Variants in PCDH11X observed in about 807,000 individuals in gnomAD.
The protein encoded by PCDH11X is protocadherin 11 X-linked, also known as protocadherin-11 X-linked.
PCDH11X carries 18 observed loss-of-function variants against 53.3 expected under a neutral mutation model. The ratio of observed to expected loss-of-function variants is 0.34; its 90% CI spans 0.23 to 0.50. The LOEUF (loss-of-function observed/expected upper bound fraction) is 0.50, where lower values mean the gene tolerates loss of function less well. Among genes scored for constraint, PCDH11X ranks in the 20% least tolerant of loss-of-function variants. PCDH11X has a pLI of 0.98. For synonymous variants in PCDH11X, 279 were observed against 393.3 expected, an observed-to-expected ratio of 0.71 and a Z score of 3.44; for missense variants, 570 against 1,032.4, an observed-to-expected ratio of 0.55 and a Z score of 6.14.
At chrX:92,308,902 A>C (rs1294932634) in intron 8 of PCDH11X, among the ~76,000 whole-genome samples, 1 of 110,539 alleles carries the variant, frequency 9.0e-6, no homozygotes, top group Non-Finnish European at 1.9e-5. Flanking sequence ...ATCACTAATT[A>C]TTAGAAAAAT....
At chrX:92,152,413 TAAATC>T (rs1264274528) in intron 6 of PCDH11X, among the ~76,000 whole-genome samples, 2 of 111,647 alleles carry the variant, frequency 1.8e-5, no homozygotes, top group Non-Finnish European at 3.8e-5. Context: ...AAAAAAATAT[TAAATC>T]AAATGTATAT....
chrX:91,890,292 A>T (rs897619056), intron 6 of PCDH11X, among the ~76,000 whole-genome samples: 1 of 111,549 alleles, frequency 9.0e-6, no homozygotes, highest in Non-Finnish European at 1.9e-5. Flanking sequence ...ATCTACATTT[A>T]CAATGTTATT....
intron 9 of PCDH11X, among the ~76,000 whole-genome samples, chrX:92,448,811 G>A (rs144852639): frequency 0.02 from 2,230 of 111,069 alleles, 55 homozygotes; most frequent in African/African-American, 0.07. Context: ...ATGTGGTTTC[G>A]ATAGTTTTCA....
Position 92,178,416 on chromosome X carries a change from G to T in PCDH11X, c.3034-22959G>T, listed in dbSNP as rs1485614253. 7.2e-5 allele frequency among the ~76,000 whole-genome samples: 8 copies of T among 111,884 alleles called. 1 individual carries two copies. The Admixed American group carries it at 7.6e-4, about 11-fold the overall frequency. On this transcript the variant is annotated intron_variant, in intron 6 of 10. Transcript: ENST00000682573. ...ACATTAAATTTATTTGACATTCACA[G>T]TCTCATGAGATTATTCTTTGTTATT... is the stretch of plus-strand genomic sequence containing the variant.
At chrX:92,100,246 G>A (rs147182871) in intron 6 of PCDH11X, among the ~76,000 whole-genome samples, 1,958 of 111,095 alleles carry the variant, frequency 0.018, 43 homozygotes, top group African/African-American at 0.061. Context: ...CCTTTCATGC[G>A]CGTCCCTGTG....
chrX:92,116,601 T>C (rs1280362120), intron 6 of PCDH11X, among the ~76,000 whole-genome samples: 2 of 112,264 alleles, frequency 1.8e-5, no homozygotes, highest in Non-Finnish European at 3.7e-5. Context: ...TATTATTATT[T>C]TTTGAGACAG....
At position 92,130,527 on chromosome X, in the gene PCDH11X, G is replaced by A. The variant is rs1465270779; in HGVS notation, c.3034-70848G>A. Among the ~76,000 whole-genome samples the A allele has an allele frequency of 1.8e-4, 19 of 108,467 alleles. No individual in the cohort carries two copies. The South Asian group carries it at 2.9e-3, about 16-fold the overall frequency. The allele number at this position is 108,467 out of a possible 115,157, so 94.2% of individuals were successfully genotyped here. On this transcript the variant is annotated intron_variant, in intron 6 of 10. Transcript: ENST00000682573. ...AGCCAGGCATGATGGCACATTCTGA[G>A]TAGTTCCAGCTACTCAGGAGGCTGA...
chrX:92,000,615 A>G (rs1049974272), intron 6 of PCDH11X, among the ~76,000 whole-genome samples: 1 of 109,699 alleles, frequency 9.1e-6, no homozygotes, highest in Non-Finnish European at 1.9e-5. Flanking sequence ...AAAATGTACA[A>G]TTAAGTTGTG....
chrX:92,378,182 T>A (rs1404435543), intron 8 of PCDH11X, among the ~76,000 whole-genome samples: 2 of 101,170 alleles, frequency 2.0e-5, no homozygotes, highest in African/African-American at 7.1e-5. Flanking sequence ...TTGTGTAGAT[T>A]TATTTTTGAT....
chrX:92,598,628 A>G (rs1312993591), intron 10 of PCDH11X, among the ~76,000 whole-genome samples: 1 of 93,385 alleles, frequency 1.1e-5, no homozygotes, highest in East Asian at 3.2e-4. Flanking sequence ...CAACCACTAT[A>G]GAGAACAGTT....
intron 10 of PCDH11X, among the ~76,000 whole-genome samples, chrX:92,589,262 C>T (rs183850449): frequency 5.3e-4 from 59 of 111,511 alleles, no homozygotes; most frequent in African/African-American, 1.9e-3. Context: ...ACAAAACTGA[C>T]TAGGAATAGT....
At chrX:91,906,197 A>G (rs1362292356) in intron 6 of PCDH11X, among the ~76,000 whole-genome samples, 2 of 112,290 alleles carry the variant, frequency 1.8e-5, no homozygotes, top group Non-Finnish European at 3.8e-5. Context: ...ATGTAGAGGT[A>G]ACTTTTAACC....
intron 10 of PCDH11X, among the ~76,000 whole-genome samples, chrX:92,508,442 C>T (rs1460834700): frequency 9.2e-6 from 1 of 108,802 alleles, no homozygotes; most frequent in Non-Finnish European, 1.9e-5. Flanking sequence ...AGGATGGTCT[C>T]GATTTCCTGA....
chrX:92,220,962 C>T (rs2148354205), intron 7 of PCDH11X, among the ~76,000 whole-genome samples: 1 of 101,041 alleles, frequency 9.9e-6, no homozygotes, highest in African/African-American at 3.6e-5. Flanking sequence ...AAAAACCAAA[C>T]ACCCCATGTT....
intron 10 of PCDH11X, among the ~76,000 whole-genome samples, chrX:92,485,504 T>G (rs2073623397): frequency 9.0e-6 from 1 of 111,715 alleles, no homozygotes; most frequent in Admixed American, 9.6e-5. Flanking sequence ...TGTATTATTT[T>G]TAGTAATCAA....
At chrX:92,562,536 T>TA (rs1269240220) in intron 10 of PCDH11X, among the ~76,000 whole-genome samples, 2 of 106,278 alleles carry the variant, frequency 1.9e-5, no homozygotes, top group African/African-American at 6.8e-5. Context: ...TTCTCTGTGA[T>TA]ATGGCCAGGC....
intron 7 of PCDH11X, among the ~76,000 whole-genome samples, chrX:92,206,317 A>G (rs1222685349): frequency 8.1e-5 from 9 of 111,655 alleles, no homozygotes; most frequent in Non-Finnish European, 1.7e-4. Context: ...CTTATTTTTA[A>G]CAAGATATTC....
intron 10 of PCDH11X, among the ~76,000 whole-genome samples, chrX:92,487,839 A>G (rs1268767042): frequency 9.0e-6 from 1 of 111,434 alleles, no homozygotes; most frequent in Non-Finnish European, 1.9e-5. Context: ...CAAACTAATA[A>G]TGTGTACACA....
chrX:91,824,753 G>A lies in PCDH11X; in HGVS notation c.-44-10708G>A, dbSNP rs755358250. Among the ~76,000 whole-genome samples, 5 of 108,814 alleles carry A rather than the reference G, an allele frequency of 4.6e-5. No individual in the cohort carries two copies. The East Asian group carries it at 1.4e-3, about 31-fold the overall frequency. The allele number at this position is 108,814 out of a possible 115,157, so 94.5% of individuals were successfully genotyped here. Reference sequence around the variant, plus strand: ...TCTTTTGGAGGAGGAGAGGCGCTCTGCTTTTTAGAATTTCCAGTTTTTCTG... The same window carrying A: ...TCTTTTGGAGGAGGAGAGGCGCTCTACTTTTTAGAATTTCCAGTTTTTCTG... On this transcript the variant is annotated intron_variant, in intron 4 of 10. Coordinates refer to ENST00000682573, the MANE Select transcript of PCDH11X (RefSeq NM_032968.5).
Sources: gnomAD v4.1 joint callset for allele counts (sites outside exome capture counted in the v4.1 genomes callset) on GRCh38, gnomAD v4.1.1 for gene constraint, MANE v1.5 for transcripts, NCBI Gene and HGNC (gene_info 2026-07-23, HGNC 2026-07-21) for gene names.